DOCK3: variants seen among roughly 807,000 people sequenced by gnomAD.
The protein encoded by DOCK3 is dedicator of cytokinesis 3.
A neutral mutation model predicts 265.6 loss-of-function variants in DOCK3; 60 were observed. The observed-to-expected ratio is 0.23, with a 90% confidence interval of 0.18 to 0.28. The LOEUF (loss-of-function observed/expected upper bound fraction) is 0.28. Among genes scored for constraint, DOCK3 ranks in the 10% least tolerant of loss-of-function variants. DOCK3 has a pLI of 1.00. For missense variants in DOCK3, 1,981 were observed against 2,594.3 expected (o/e 0.76, Z 5.14); for synonymous variants, 881 against 938.0 (o/e 0.94, Z 1.11).
At chr3:50,686,703 G>C (rs2034831566) in intron 1 of DOCK3, among the ~76,000 whole-genome samples, 1 of 152,146 alleles carries the variant, frequency 6.6e-6, no homozygotes, top group Non-Finnish European at 1.5e-5. Flanking sequence ...GAGGTCAGGA[G>C]TTTGAGACTA....
chr3:50,848,581 G>A (rs977632259), intron 3 of DOCK3, among the ~76,000 whole-genome samples: 3 of 152,110 alleles, frequency 2.0e-5, no homozygotes, highest in African/African-American at 7.2e-5. Flanking sequence ...TTCTTGGTTG[G>A]AATTTCTTTT....
chr3:50,993,609 C>T (rs1448439748), intron 5 of DOCK3, among the ~76,000 whole-genome samples: 2 of 152,184 alleles, frequency 1.3e-5, no homozygotes, highest in Non-Finnish European at 2.9e-5. Context: ...CATGAGAAAT[C>T]CATATGAACT....
chr3:50,793,300 T>C (rs2042586443), intron 2 of DOCK3, among the ~76,000 whole-genome samples: 1 of 152,030 alleles, frequency 6.6e-6, no homozygotes, highest in Non-Finnish European at 1.5e-5. Flanking sequence ...TTCACTTTTT[T>C]CTTCTTTATT....
At chr3:50,857,477 C>T (rs1016428998) in intron 3 of DOCK3, among the ~76,000 whole-genome samples, 4 of 152,126 alleles carry the variant, frequency 2.6e-5, no homozygotes, top group Non-Finnish European at 5.9e-5. Flanking sequence ...GCAAAAGAAA[C>T]TACCATCAGA....
In DOCK3 at chr3:50,685,774, G is replaced by A. The variant is rs538950669; in HGVS notation, c.37+10474G>A. The A allele has an allele frequency of 4.3e-5, 9 of 210,178 alleles. No individual in the cohort carries two copies. The East Asian group carries it at 4.8e-4, about 11-fold the overall frequency. 13.0% of individuals were successfully genotyped at this position (210,178 alleles called of 1,614,324 possible). ...TGTCTGCAAACAGCTCAAAGGAGAC[G>A]TGGCTCAAGGGCTGTCCATGGCCTA... On this transcript the variant is annotated intron_variant, in intron 1 of 52. Transcript: ENST00000266037.
At chr3:50,725,103 T>C (rs560294757) in intron 1 of DOCK3, among the ~76,000 whole-genome samples, 1 of 152,290 alleles carries the variant, frequency 6.6e-6, no homozygotes, top group South Asian at 2.1e-4. Context: ...AGGTAAATTA[T>C]ACTCAAAGAA....
intron 5 of DOCK3, among the ~76,000 whole-genome samples, chr3:50,950,138 CA>C (rs940828926): frequency 5.3e-5 from 8 of 152,012 alleles, no homozygotes; most frequent in African/African-American, 1.9e-4. Flanking sequence ...TTCATTTTGA[CA>C]GTCCTTTCTG....
intron 1 of DOCK3, among the ~76,000 whole-genome samples, chr3:50,708,645 A>G (rs1230223546): frequency 6.6e-6 from 1 of 152,170 alleles, no homozygotes; most frequent in African/African-American, 2.4e-5. Flanking sequence ...ATCTCCCTCT[A>G]ATAGTCTCAG....
At chr3:51,116,521 G>C (rs1322862980) in intron 9 of DOCK3, among the ~76,000 whole-genome samples, 1 of 151,402 alleles carries the variant, frequency 6.6e-6, no homozygotes, top group Non-Finnish European at 1.5e-5. Flanking sequence ...TAGTTTGATG[G>C]GAATAGCATT....
At chr3:51,086,570 G>T (rs2109509524) in intron 7 of DOCK3, among the ~76,000 whole-genome samples, 1 of 152,366 alleles carries the variant, frequency 6.6e-6, no homozygotes, top group African/African-American at 2.4e-5. Context: ...GGCCAAGGCA[G>T]GTGGATCACC....
At chr3:51,226,549 A>G (rs1206272111) in intron 15 of DOCK3, among the ~76,000 whole-genome samples, 7 of 152,268 alleles carry the variant, frequency 4.6e-5, no homozygotes, top group Middle Eastern at 3.2e-3. Flanking sequence ...ATGTTGAAAT[A>G]GTAGTAGAAA....
chr3:51,142,504 T>C (rs955535952), intron 9 of DOCK3, among the ~76,000 whole-genome samples: 4 of 152,202 alleles, frequency 2.6e-5, no homozygotes, highest in Admixed American at 2.6e-4. Context: ...TGGCCTTTTT[T>C]CATTGAGTTT....
intron 32 of DOCK3, among the ~76,000 whole-genome samples, chr3:51,325,910 C>T: frequency 6.6e-6 from 1 of 151,914 alleles, no homozygotes; most frequent in Non-Finnish European, 1.5e-5. Flanking sequence ...CAGGGCCTGT[C>T]AGGGGATGGG....
rs541301464 is a variant in DOCK3 at position 51,082,529 on chromosome 3, G to A, written c.550-6714G>A. ...TAGAACCTGAGAGCTGCATGTCTGGGGCTACTGCCACTGATAGCAACCCTG... is the reference window on the plus strand; with the variant it reads ...TAGAACCTGAGAGCTGCATGTCTGGAGCTACTGCCACTGATAGCAACCCTG... On this transcript the variant is annotated intron_variant, in intron 7 of 52. Coordinates refer to ENST00000266037, the MANE Select transcript of DOCK3 (RefSeq NM_004947.5). Among the ~76,000 whole-genome samples, 12 of 152,216 alleles carry A rather than the reference G, an allele frequency of 7.9e-5. No individual in the cohort carries two copies. The East Asian group carries it at 2.1e-3, about 27-fold the overall frequency.
At chr3:50,908,051 G>A (rs1418546695) in intron 4 of DOCK3, among the ~76,000 whole-genome samples, 1 of 151,908 alleles carries the variant, frequency 6.6e-6, no homozygotes, top group Non-Finnish European at 1.5e-5. Context: ...GTATTTCTGT[G>A]CGATCAGCAG....
intron 5 of DOCK3, among the ~76,000 whole-genome samples, chr3:51,053,114 T>G (rs1468560299): frequency 1.3e-4 from 16 of 125,532 alleles, no homozygotes; most frequent in African/African-American, 4.8e-4. Flanking sequence ...TATATATATA[T>G]ATATATATGG....
At chr3:51,031,512 C>T (rs1394422120) in intron 5 of DOCK3, among the ~76,000 whole-genome samples, 1 of 152,096 alleles carries the variant, frequency 6.6e-6, no homozygotes. Context: ...CAAAGCTTGC[C>T]CTTTATCCTG....
chr3:50,889,716 A>G (rs1293442401), intron 3 of DOCK3, among the ~76,000 whole-genome samples: 1 of 152,080 alleles, frequency 6.6e-6, no homozygotes, highest in Non-Finnish European at 1.5e-5. Context: ...TCTGTACACA[A>G]TACTGTTTCT....
At chr3:50,865,963 T>C (rs1313753338) in intron 3 of DOCK3, among the ~76,000 whole-genome samples, 1 of 152,206 alleles carries the variant, frequency 6.6e-6, no homozygotes, top group Non-Finnish European at 1.5e-5. Flanking sequence ...TTTTGAGAAA[T>C]GTGTGTTCAA....
Sources: gnomAD v4.1 joint callset for allele counts (sites outside exome capture counted in the v4.1 genomes callset) on GRCh38, gnomAD v4.1.1 for gene constraint, MANE v1.5 for transcripts, NCBI Gene and HGNC (gene_info 2026-07-23, HGNC 2026-07-21) for gene names.